NBEAL1: variants seen among roughly 807,000 people sequenced by gnomAD.
The protein encoded by NBEAL1 is neurobeachin-like protein 1.
A neutral mutation model predicts 351.3 loss-of-function variants in NBEAL1; 273 were observed. That is an observed-to-expected ratio of 0.78 (90% confidence interval 0.70 to 0.86). NBEAL1 has a LOEUF of 0.86. NBEAL1 is among the 40% of genes least tolerant of loss of function. The pLI is 0.00. For synonymous variants in NBEAL1, 1,050 were observed against 1,086.4 expected, an observed-to-expected ratio of 0.97 and a Z score of 0.66; for missense variants, 2,961 against 3,201.3, an observed-to-expected ratio of 0.92 and a Z score of 1.81.
In NBEAL1 at chr2:203,183,343, G is replaced by A. The variant is rs756672872; in HGVS notation, c.6660G>A (p.Trp2220Ter). Residue 2220 changes from tryptophan (W) to a stop codon, truncating the protein, a stop_gained, in exon 44 of 56, where the codon TGG (tryptophan) becomes TGA (stop). Transcript: ENST00000683969. LOFTEE classifies it high-confidence loss of function. The stretch of plus-strand genomic sequence containing the variant: ...TAAATGATGTCATTCTCCCGAAATG[G>A]GCTAAATCAGCTGAAGATTTCATCT... ...ELVNDVILPK[W>*]AKSAEDFIYK... The A allele has an allele frequency of 1.3e-6, 2 of 1,598,932 alleles. No homozygotes were observed. Among genetic ancestry groups the A allele is most frequent in the African/African-American group, 2.7e-5 (2 of 74,432 alleles).
At chr2:203,155,422 C>G (rs1482299172) in intron 35 of NBEAL1, among the ~76,000 whole-genome samples, 1 of 151,548 alleles carries the variant, frequency 6.6e-6, no homozygotes, top group Non-Finnish European at 1.5e-5. Context: ...TTCCTTCTTT[C>G]TTTTCCTTTT....
chr2:203,139,173 T>A (rs1026601735), intron 31 of NBEAL1, among the ~76,000 whole-genome samples: 10 of 151,034 alleles, frequency 6.6e-5, no homozygotes, highest in East Asian at 1.9e-4. Flanking sequence ...TATCTCATAT[T>A]TTTTTTTTAT....
chr2:203,215,201 C>G (rs1426163290), intron 55 of NBEAL1, among the ~76,000 whole-genome samples: 1 of 152,100 alleles, frequency 6.6e-6, no homozygotes, highest in Admixed American at 6.5e-5. Flanking sequence ...ACTAAAAATA[C>G]AAAAATTAGC....
chr2:203,034,548 T>C (rs1574874204), intron 2 of NBEAL1, among the ~76,000 whole-genome samples: 1 of 140,368 alleles, frequency 7.1e-6, no homozygotes. Context: ...AACCTCCACC[T>C]CCCATGTTCA....
At chr2:203,090,923 G>T (rs907670413) in intron 10 of NBEAL1, among the ~76,000 whole-genome samples, 1 of 148,856 alleles carries the variant, frequency 6.7e-6, no homozygotes, top group Non-Finnish European at 1.5e-5. Flanking sequence ...AGGAAGGAAA[G>T]GGAAAAGGAA....
rs750803806 is a variant in NBEAL1 at position 203,217,405 on chromosome 2, G to C, written c.*51G>C. On this transcript the variant is annotated 3_prime_UTR_variant, in exon 56 of 56. Transcript: ENST00000683969. The stretch of plus-strand genomic sequence containing the variant: ...TTACTGAAACCTGATTTATTGCTTT[G>C]TCACTTTAACCACATCTCTCAACTC... The C allele has an allele frequency of 6.7e-7, 1 of 1,489,064 alleles. No individual in the cohort carries two copies. The highest frequency in any genetic ancestry group is 9.0e-7 in the Non-Finnish European group (1 of 1,114,508). 92.2% of individuals were successfully genotyped at this position (1,489,064 alleles called of 1,614,324 possible).
chr2:203,211,217 TA>T, intron 54 of NBEAL1, 111 bp downstream of exon 54: 2 of 765,150 alleles, frequency 2.6e-6, no homozygotes, highest in Non-Finnish European at 1.9e-6. Context: ...TCATTGATTA[TA>T]AAAGTTTCTC....
intron 4 of NBEAL1, 183 bp downstream of exon 4, chr2:203,050,158 T>C (rs574043199): frequency 3.9e-5 from 20 of 509,080 alleles, no homozygotes; most frequent in African/African-American, 3.4e-4. Flanking sequence ...AGCAAACCAC[T>C]ATGGCATGTG....
rs2061838044 is a variant in NBEAL1 at position 203,079,656 on chromosome 2, A to C, written c.684+1819A>C. The stretch of plus-strand genomic sequence containing the variant: ...ACTATGTTCTTAATATTGTTGTACC[A>C]AATTACATATTTAAATTATAATTTA... On this transcript the variant is annotated intron_variant, in intron 8 of 55. Transcript: ENST00000683969. Among the ~76,000 whole-genome samples, 3 of 152,132 alleles carry C rather than the reference A, an allele frequency of 2.0e-5. No individual in the cohort carries two copies. The South Asian group carries it at 6.2e-4, about 32-fold the overall frequency.
chr2:203,047,929 G>A (rs1205057757), intron 3 of NBEAL1, among the ~76,000 whole-genome samples: 1 of 151,708 alleles, frequency 6.6e-6, no homozygotes, highest in Non-Finnish European at 1.5e-5. Flanking sequence ...TTCCAGTGGA[G>A]ATGAAGTCTT....
At chr2:203,177,015 G>C (rs1490571239) in intron 42 of NBEAL1, among the ~76,000 whole-genome samples, 2 of 151,848 alleles carry the variant, frequency 1.3e-5, no homozygotes, top group African/African-American at 4.8e-5. Context: ...GTCGGGTGTG[G>C]TGGTGTGCAC....
chr2:203,172,021 G>A lies in NBEAL1; in HGVS notation c.6196G>A (p.Val2066Met). 1 of 1,577,688 alleles carries A rather than the reference G, an allele frequency of 6.3e-7. No homozygotes were observed. Among genetic ancestry groups the A allele is most frequent in the Non-Finnish European group, 8.6e-7 (1 of 1,163,968 alleles). ...CTATAATGACCTTGCACAGTATCCT[G>A]TGGTAAGTTTTGCATAAACCTTATA... ...RTYNDLAQYPVFPWILQDYTS... is the reference protein window; with the variant it reads ...RTYNDLAQYPMFPWILQDYTS... The change falls in exon 40 of 56, where the codon GTG becomes ATG. Residue 2066 changes from valine (V) to methionine (M), a missense_variant and splice_region_variant. Val to Met is a conservative substitution (Grantham distance 21). Coordinates refer to ENST00000683969, the MANE Select transcript of NBEAL1 (RefSeq NM_001378026.1).
chr2:203,181,101 A>G (rs1019974286), intron 43 of NBEAL1: 1 of 144,480 alleles, frequency 6.9e-6, no homozygotes, highest in Non-Finnish European at 1.5e-5. Flanking sequence ...CATGCCTGCA[A>G]TTTTTTTTTT....
chr2:203,145,964 C>A, intron 33 of NBEAL1, among the ~76,000 whole-genome samples: 2 of 147,620 alleles, frequency 1.4e-5, no homozygotes, highest in African/African-American at 2.5e-5. Context: ...TTCAAAATAT[C>A]AATAAAACAG....
At position 203,037,891 on chromosome 2, in the gene NBEAL1, G is replaced by A. The variant is rs1462559973; in HGVS notation, c.52-3874G>A. Among the ~76,000 whole-genome samples, 2 of 149,094 alleles carry A rather than the reference G, an allele frequency of 1.3e-5. 1 individual carries two copies. ...GATTCCTTGGGCTCAGGAGTTTGAGGCCATAGTGAACCGTGATTGTGCCAC... is the reference window on the plus strand; with the variant it reads ...GATTCCTTGGGCTCAGGAGTTTGAGACCATAGTGAACCGTGATTGTGCCAC... On this transcript the variant is annotated intron_variant, in intron 2 of 55. Transcript: ENST00000683969.
chr2:203,019,099 A>G (rs2060727158), intron 2 of NBEAL1, among the ~76,000 whole-genome samples: 1 of 152,138 alleles, frequency 6.6e-6, no homozygotes, highest in African/African-American at 2.4e-5. Flanking sequence ...AGAGTTTTCT[A>G]CAGTTTGAAC....
At chr2:203,208,199 T>C (rs2065665427) in intron 51 of NBEAL1, among the ~76,000 whole-genome samples, 1 of 151,892 alleles carries the variant, frequency 6.6e-6, no homozygotes. Flanking sequence ...GGTGGGAGGA[T>C]TACGTGAGTC....
intron 51 of NBEAL1, among the ~76,000 whole-genome samples, chr2:203,206,673 G>A (rs555343864): frequency 1.3e-3 from 200 of 152,046 alleles, no homozygotes; most frequent in African/African-American, 4.7e-3. Context: ...CGCCAGCCTC[G>A]GCCTCCCGAG....
In NBEAL1 at chr2:203,175,140, C is replaced by T; in HGVS notation, c.6324-7C>T. The T allele has an allele frequency of 1.2e-6, 2 of 1,602,296 alleles. No individual in the cohort carries two copies. Among genetic ancestry groups the T allele is most frequent in the East Asian group, 2.2e-5 (1 of 44,590 alleles). ...GGTTTTAAAACTTTAGGATTTTTTC[C>T]CCACAGATATGAAAATTTTGAGGAT... On this transcript the variant is annotated splice_polypyrimidine_tract_variant and splice_region_variant and intron_variant, in intron 41 of 55. Coordinates refer to ENST00000683969, the MANE Select transcript of NBEAL1 (RefSeq NM_001378026.1).
Sources: allele counts gnomAD v4.1 joint callset (sites outside exome capture counted in the v4.1 genomes callset), GRCh38; gene constraint gnomAD v4.1.1; transcripts MANE v1.5; gene names NCBI Gene and HGNC (gene_info 2026-07-23, HGNC 2026-07-21).